The following SNX14 variants were observed in gnomAD, a reference collection of about 807,000 sequenced individuals.
SNX14 encodes the protein sorting nexin-14.
In SNX14, 93 loss-of-function variants were observed where a neutral mutation model predicts 133.8. The ratio of observed to expected loss-of-function variants is 0.70; its 90% CI spans 0.59 to 0.83. SNX14 has a LOEUF of 0.83. Ranked by LOEUF, SNX14 falls within the 40% of genes least tolerant of loss-of-function variation. The pLI, the probability that SNX14 is intolerant of heterozygous loss-of-function variation, is 0.00. For missense variants in SNX14, 945 were observed against 1,094.9 expected (o/e 0.86, Z 1.93); for synonymous variants, 368 against 365.6 (o/e 1.01, Z -0.07).
chr6:85,514,728 C>CT, intron 23 of SNX14, 99 bp from the exon 24 acceptor site: 1 of 1,239,590 alleles, frequency 8.1e-7, no homozygotes, highest in Admixed American at 2.1e-5. Context: ...GGCATTTAAA[C>CT]TTTTTCCAAT....
At chr6:85,554,010 G>C (rs1342976331) in intron 7 of SNX14, among the ~76,000 whole-genome samples, 1 of 151,982 alleles carries the variant, frequency 6.6e-6, no homozygotes, top group Non-Finnish European at 1.5e-5. Context: ...TTTTAAAGTG[G>C]GGGAAAACAC....
chr6:85,514,030 G>A lies in SNX14; in HGVS notation c.2557+40C>T, dbSNP rs763185970. On this transcript the variant is annotated intron_variant, in intron 25 of 28. Coordinates refer to ENST00000314673, the MANE Select transcript of SNX14 (RefSeq NM_153816.6). Reference sequence around the variant, plus strand: ...CTTTAGATTCAATTAAAATCATAGAGTACACAAAATATGAAACAAACACAT... The same window carrying A: ...CTTTAGATTCAATTAAAATCATAGAATACACAAAATATGAAACAAACACAT... 21 of 1,582,220 alleles carry A rather than the reference G, an allele frequency of 1.3e-5. No individual in the cohort carries two copies. The South Asian group carries it at 2.0e-4, about 15-fold the overall frequency.
chr6:85,545,630 A>G (rs1785220183), intron 12 of SNX14, among the ~76,000 whole-genome samples: 1 of 152,220 alleles, frequency 6.6e-6, no homozygotes, highest in Non-Finnish European at 1.5e-5. Context: ...ATGAAGTTTA[A>G]AAGATATATG....
intron 6 of SNX14, 91 bp downstream of exon 6, chr6:85,565,241 A>G (rs1793396900): frequency 2.8e-6 from 2 of 709,262 alleles, no homozygotes; most frequent in Non-Finnish European, 2.4e-6. Flanking sequence ...AAATATGTAC[A>G]TTTGCCATGT....
intron 28 of SNX14, 73 bp from the exon 29 acceptor site, chr6:85,506,078 T>C: frequency 1.0e-6 from 1 of 966,050 alleles, no homozygotes; most frequent in Middle Eastern, 2.1e-4. Context: ...ACAGCTCTAG[T>C]GTATTAAAAT....
chr6:85,587,216 A>G (rs1801178729), intron 1 of SNX14, among the ~76,000 whole-genome samples: 1 of 152,102 alleles, frequency 6.6e-6, no homozygotes, highest in African/African-American at 2.4e-5. Context: ...GCAAAAAAAA[A>G]AATATGGCAA....
intron 7 of SNX14, among the ~76,000 whole-genome samples, chr6:85,552,640 C>T (rs1788227494): frequency 1.3e-5 from 2 of 152,114 alleles, no homozygotes; most frequent in Admixed American, 6.5e-5. Flanking sequence ...ATGTTTGGTT[C>T]CCTACAGAAA....
chr6:85,543,805 A>G (rs1162821277), intron 12 of SNX14, 45 bp from the exon 13 acceptor site: 3 of 1,216,134 alleles, frequency 2.5e-6, no homozygotes, highest in East Asian at 5.6e-5. Context: ...TTTAATATAT[A>G]ATTATTCATA....
chr6:85,518,006 A>T lies in SNX14; in HGVS notation c.2148+2T>A. ...TAGAACACACATAAATCAGTTACTC[A>T]CCTCTTTCATTAGTTTTCCAGGAAC... On this transcript the variant is annotated splice_donor_variant, in intron 22 of 28. Transcript: ENST00000314673. LOFTEE classifies it high-confidence loss of function. The T allele has an allele frequency of 6.2e-7, 1 of 1,602,444 alleles. No individual in the cohort carries two copies. The highest frequency in any genetic ancestry group is 8.5e-7 in the Non-Finnish European group (1 of 1,174,064).
At chr6:85,567,678 T>C in intron 4 of SNX14, 101 bp from the exon 5 acceptor site, 1 of 718,878 alleles carries the variant, frequency 1.4e-6, no homozygotes, top group Non-Finnish European at 2.2e-6. Flanking sequence ...GAAACAATTT[T>C]ATTATCACAA....
chr6:85,533,020 G>A (rs1339952776), intron 18 of SNX14, among the ~76,000 whole-genome samples: 3 of 152,046 alleles, frequency 2.0e-5, no homozygotes, highest in African/African-American at 7.2e-5. Flanking sequence ...CAGAGTAGCC[G>A]GGACTACAGG....
rs1164777590 is a variant in SNX14, at chr6:85,514,135, A to C, written c.2492T>G (p.Leu831Arg). The C allele has an allele frequency of 6.2e-7, 1 of 1,613,838 alleles. No individual in the cohort carries two copies. The highest frequency in any genetic ancestry group is 8.5e-7 in the Non-Finnish European group (1 of 1,179,892). ...NTLEMYTDYY[L>R]QCKLEQLFQE... ...AAATAGCTGTTCTAGTTTACACTGAAGATAGTAATCAGTATACATTTCCAG... is the reference window on the plus strand; with the variant it reads ...AAATAGCTGTTCTAGTTTACACTGACGATAGTAATCAGTATACATTTCCAG... The change falls in exon 25 of 29, where the codon CTT becomes CGT. Residue 831 changes from leucine to arginine, a missense_variant. Coordinates refer to ENST00000314673, the MANE Select transcript of SNX14 (RefSeq NM_153816.6).
intron 26 of SNX14, among the ~76,000 whole-genome samples, chr6:85,511,951 G>A (rs1380530647): frequency 6.6e-6 from 1 of 152,090 alleles, no homozygotes; most frequent in South Asian, 2.1e-4. Flanking sequence ...GGGAGAGGAA[G>A]GGTTCTATAG....
chr6:85,526,857 T>G (rs974598395), intron 20 of SNX14, among the ~76,000 whole-genome samples: 1 of 152,122 alleles, frequency 6.6e-6, no homozygotes, highest in Non-Finnish European at 1.5e-5. Flanking sequence ...TCACCTGAGG[T>G]CAGGAGTTCG....
At chr6:85,585,331 C>T (rs1046211342) in intron 1 of SNX14, among the ~76,000 whole-genome samples, 1 of 151,802 alleles carries the variant, frequency 6.6e-6, no homozygotes, top group African/African-American at 2.4e-5. Context: ...ACATGTATAC[C>T]TATGTAACAA....
intron 1 of SNX14, among the ~76,000 whole-genome samples, chr6:85,578,132 C>CA (rs1797891252): frequency 6.6e-6 from 1 of 151,522 alleles, no homozygotes; most frequent in Admixed American, 6.6e-5. Flanking sequence ...GAAAGAAGTA[C>CA]AAAAAAAGAA....
chr6:85,536,912 T>C lies in SNX14; in HGVS notation c.1488A>G (p.Lys496=), dbSNP rs754705189. The C allele has an allele frequency of 6.2e-7, 1 of 1,612,764 alleles. No homozygotes were observed. The highest frequency in any genetic ancestry group is 1.7e-4 in the Middle Eastern group (1 of 6,052). The part of the protein sequence containing the change: ...LSLDDFRNTQ[K]RGESFGISRI... ...TGCTGATTCCAAATGATTCTCCCCT[T>C]TTCTGTGTGTTCCTGAATATTAAAC... Residue 496 remains lysine (K), a synonymous_variant, in exon 17 of 29, where the codon AAA becomes AAG. Transcript: ENST00000314673.
At chr6:85,576,103 C>A (rs1443181477) in intron 1 of SNX14, among the ~76,000 whole-genome samples, 1 of 151,966 alleles carries the variant, frequency 6.6e-6, no homozygotes, top group Non-Finnish European at 1.5e-5. Context: ...AAAACTCAAT[C>A]GTAATTTTCC....
chr6:85,557,940 C>A, intron 7 of SNX14, 36 bp downstream of exon 7: 1 of 1,295,160 alleles, frequency 7.7e-7, no homozygotes, highest in Non-Finnish European at 1.1e-6. Flanking sequence ...TGTATAAAAA[C>A]AAAATTACTC....
Sources: allele counts gnomAD v4.1 joint callset (sites outside exome capture counted in the v4.1 genomes callset), GRCh38; gene constraint gnomAD v4.1.1; transcripts MANE v1.5; gene names NCBI Gene and HGNC (gene_info 2026-07-23, HGNC 2026-07-21).